Variants in CACNA1E observed in about 807,000 individuals in gnomAD.
CACNA1E encodes the protein calcium voltage-gated channel subunit alpha1 E, also known as voltage-dependent R-type calcium channel subunit alpha-1E.
In CACNA1E, 40 loss-of-function variants were observed where a neutral mutation model predicts 259.2. The ratio of observed to expected loss-of-function variants is 0.15; its 90% confidence interval spans 0.12 to 0.20. The LOEUF is 0.20. CACNA1E is among the 10% of genes least tolerant of loss of function. The probability of loss-of-function intolerance (pLI) is 1.00; values close to 1 mark genes in which losing one functional copy is unlikely to be tolerated. For synonymous variants in CACNA1E, 1,104 were observed against 1,138.5 expected, an observed-to-expected ratio of 0.97 and a Z score of 0.61; for missense variants, 1,874 against 3,040.1, an observed-to-expected ratio of 0.62 and a Z score of 9.02.
intron 1 of CACNA1E, among the ~76,000 whole-genome samples, chr1:181,343,804 C>T (rs1299856881): frequency 6.6e-6 from 1 of 152,184 alleles, no homozygotes; most frequent in Non-Finnish European, 1.5e-5. Flanking sequence ...CTGGTGATGC[C>T]CTGTCTCCTC....
chr1:181,484,813 A>C (rs539249699), intron 1 of CACNA1E, among the ~76,000 whole-genome samples: 6 of 152,158 alleles, frequency 3.9e-5, no homozygotes, highest in African/African-American at 1.4e-4. Flanking sequence ...CTGGGCCTGA[A>C]TTCATCCGCT....
intron 32 of CACNA1E, among the ~76,000 whole-genome samples, chr1:181,761,194 T>G (rs970292366): frequency 1.3e-5 from 2 of 152,234 alleles, no homozygotes; most frequent in African/African-American, 4.8e-5. Context: ...CCTTATGGCC[T>G]TAGCTACTTT....
intron 40 of CACNA1E, among the ~76,000 whole-genome samples, chr1:181,784,104 C>T (rs765334304): frequency 6.6e-6 from 1 of 152,122 alleles, no homozygotes; most frequent in African/African-American, 2.4e-5. Context: ...TTTATTTTCT[C>T]TGAAGTCTTG....
At chr1:181,613,424 T>G (rs1201025565) in intron 6 of CACNA1E, among the ~76,000 whole-genome samples, 2 of 152,178 alleles carry the variant, frequency 1.3e-5, no homozygotes, top group Non-Finnish European at 2.9e-5. Flanking sequence ...TATACTGTAT[T>G]CTTAAGATAG....
chr1:181,636,538 G>A (rs1011807686), intron 6 of CACNA1E, among the ~76,000 whole-genome samples: 2 of 152,206 alleles, frequency 1.3e-5, no homozygotes, highest in African/African-American at 4.8e-5. Context: ...GAGAATGGAT[G>A]GGGGCTGGAC....
At chr1:181,737,688 A>G in intron 23 of CACNA1E, 34 bp downstream of exon 23, 1 of 1,604,678 alleles carries the variant, frequency 6.2e-7, no homozygotes. Flanking sequence ...CAGCCTCTGT[A>G]GTGCTCTGGT....
At chr1:181,386,002 A>G (rs765631708) in intron 1 of CACNA1E, among the ~76,000 whole-genome samples, 12 of 152,218 alleles carry the variant, frequency 7.9e-5, no homozygotes, top group Non-Finnish European at 1.5e-4. Flanking sequence ...TTTTGTTCTC[A>G]TGTAATTTGC....
chr1:181,598,095 G>C (rs1160011361), intron 6 of CACNA1E, among the ~76,000 whole-genome samples: 1 of 152,218 alleles, frequency 6.6e-6, no homozygotes, highest in African/African-American at 2.4e-5. Context: ...TTGTGAGCTA[G>C]AAAAGCCCAG....
At chr1:181,786,641 G>T (rs948313842) in intron 43 of CACNA1E, among the ~76,000 whole-genome samples, 1 of 152,052 alleles carries the variant, frequency 6.6e-6, no homozygotes. Flanking sequence ...ATTATATTTC[G>T]ATCATCAGCA....
chr1:181,654,886 A>C (rs1659070086), intron 7 of CACNA1E, among the ~76,000 whole-genome samples: 1 of 150,204 alleles, frequency 6.7e-6, no homozygotes, highest in African/African-American at 2.4e-5. Flanking sequence ...CGAGAGGCTG[A>C]GGCAGGAGAA....
rs1328200686 is a variant in CACNA1E at position 181,757,109 on chromosome 1, A to C, written c.4312A>C (p.Ser1438Arg). Residue 1438 changes from serine (S) to arginine (R), a missense_variant, in exon 30 of 48, where the codon AGC becomes CGC. By Grantham distance (110) the Ser-to-Arg change is moderately radical. Around this residue, in one of 14 missense-constraint regions of CACNA1E, gnomAD observed 188 missense variants for 540.6 expected, o/e 0.35. Coordinates refer to ENST00000367573, the MANE Select transcript of CACNA1E (RefSeq NM_001205293.3). ...AGGGGATAAGATGATGGAGGAGTGCAGCCTGGAGAAGAATGAGGTAATGAC... is the reference window on the plus strand; with the variant it reads ...AGGGGATAAGATGATGGAGGAGTGCCGCCTGGAGAAGAATGAGGTAATGAC... ...EQGDKMMEECSLEKNERACID... is the reference protein window; with the variant it reads ...EQGDKMMEECRLEKNERACID... 1 of 1,613,328 alleles carries C rather than the reference A, an allele frequency of 6.2e-7. No individual in the cohort carries two copies. Among genetic ancestry groups the C allele is most frequent in the Non-Finnish European group, 8.5e-7 (1 of 1,179,400 alleles).
rs140820162 is a variant in CACNA1E at position 181,743,493 on chromosome 1, C to A, written c.3719+4240C>A. Among the ~76,000 whole-genome samples, 4 of 152,294 alleles carry A rather than the reference C, an allele frequency of 2.6e-5. No individual in the cohort carries two copies. The East Asian group carries it at 7.7e-4, about 29-fold the overall frequency. On this transcript the variant is annotated intron_variant, in intron 25 of 47. Transcript: ENST00000367573. The stretch of plus-strand genomic sequence containing the variant: ...GGCACATTCCCCTGCTTTGGGGGAC[C>A]CTGCTCCCCAACCAAAGTCAGCTGC...
At chr1:181,487,023 A>ATT (rs113857890) in intron 1 of CACNA1E, among the ~76,000 whole-genome samples, 14 of 145,330 alleles carry the variant, frequency 9.6e-5, no homozygotes, top group African/African-American at 2.0e-4. Flanking sequence ...TAAGTGCCAG[A>ATT]TTTTTTTTTT....
In CACNA1E at chr1:181,499,283, T is replaced by C. The variant is rs528804158; in HGVS notation, c.267-11194T>C. Among the ~76,000 whole-genome samples the C allele has an allele frequency of 1.6e-3, 251 of 152,294 alleles. 1 individual carries two copies. Among genetic ancestry groups the C allele is most frequent in the African/African-American group, 5.8e-3 (239 of 41,564 alleles). ...CTGAGAGGTAGCTCTTTGAGAACAA[T>C]TGAGTACTCCTGGGAAGGAGGAAGC... On this transcript the variant is annotated intron_variant, in intron 1 of 47. Transcript: ENST00000367573.
chr1:181,511,552 G>A (rs748456514), intron 3 of CACNA1E, 42 bp downstream of exon 3: 10 of 1,608,384 alleles, frequency 6.2e-6, no homozygotes, highest in Non-Finnish European at 7.7e-6. Context: ...GTGTATGAAG[G>A]GGGTTGGTAT....
At chr1:181,779,652 T>C in intron 38 of CACNA1E, 1 of 273,770 alleles carries the variant, frequency 3.7e-6, no homozygotes, top group South Asian at 3.4e-5. Context: ...TCATGTTGCT[T>C]TCCTTTGAGT....
At position 181,728,438 on chromosome 1, in the gene CACNA1E, C is replaced by T. The variant is rs991458228; in HGVS notation, c.2240+2276C>T. On this transcript the variant is annotated intron_variant, in intron 18 of 47. Coordinates refer to ENST00000367573, the MANE Select transcript of CACNA1E (RefSeq NM_001205293.3). ...CAAACATCCAAGACCAGCAGAGACCCGGGCTTTGGTGCTGTACATGTGCTG... is the reference window on the plus strand; with the variant it reads ...CAAACATCCAAGACCAGCAGAGACCTGGGCTTTGGTGCTGTACATGTGCTG... 3.3e-5 allele frequency among the ~76,000 whole-genome samples: 5 copies of T among 152,210 alleles called. No individual in the cohort carries two copies. In the South Asian group the frequency reaches 6.2e-4, roughly 19 times the overall value.
intron 6 of CACNA1E, among the ~76,000 whole-genome samples, chr1:181,616,505 G>A (rs564407735): frequency 7.2e-4 from 110 of 152,278 alleles, no homozygotes; most frequent in Non-Finnish European, 1.4e-3. Flanking sequence ...ATGAGGTCGA[G>A]ATTGAGACCA....
At chr1:181,514,536 C>T (rs1666406186) in intron 3 of CACNA1E, among the ~76,000 whole-genome samples, 1 of 152,208 alleles carries the variant, frequency 6.6e-6, no homozygotes, top group African/African-American at 2.4e-5. Context: ...TGGTGTCCCC[C>T]TTTGTCTTCC....
Sources: allele counts gnomAD v4.1 joint callset (sites outside exome capture counted in the v4.1 genomes callset), GRCh38; gene constraint gnomAD v4.1.1; regional missense constraint gnomAD v4.1.1; transcripts MANE v1.5; gene names NCBI Gene and HGNC (gene_info 2026-07-23, HGNC 2026-07-21).